ITGAL: variants seen among roughly 807,000 people sequenced by gnomAD.
The protein encoded by ITGAL is integrin alpha-L.
In ITGAL, 68 loss-of-function variants were observed where a neutral mutation model predicts 138.4. That is an observed-to-expected ratio of 0.49 (90% CI 0.40 to 0.60). The LOEUF (loss-of-function observed/expected upper bound fraction) is 0.60. Among genes scored for constraint, ITGAL ranks in the 20% least tolerant of loss-of-function variants. The pLI, the probability that ITGAL is intolerant of heterozygous loss-of-function variation, is 0.00. For missense variants in ITGAL, 1,256 were observed against 1,478.6 expected, an observed-to-expected ratio of 0.85 and a Z score of 2.47; for synonymous variants, 561 against 584.3, an observed-to-expected ratio of 0.96 and a Z score of 0.57.
At chr16:30,490,644 A>G (rs2050712219) in intron 11 of ITGAL, among the ~76,000 whole-genome samples, 1 of 152,118 alleles carries the variant, frequency 6.6e-6, no homozygotes, top group African/African-American at 2.4e-5. Context: ...CATCAGTCAC[A>G]CCTATATATT....
intron 6 of ITGAL, among the ~76,000 whole-genome samples, chr16:30,480,219 G>T (rs1263699318): frequency 6.6e-6 from 1 of 152,192 alleles, no homozygotes; most frequent in Non-Finnish European, 1.5e-5. Flanking sequence ...ACAGGCATGA[G>T]CCACTGTGCC....
rs35691718 is a variant in ITGAL, at chr16:30,515,970, T to TA, written c.2863-987dup. Among the ~76,000 whole-genome samples, 562 of 134,162 alleles carry TA rather than the reference T, an allele frequency of 4.2e-3. 1 individual carries two copies. The highest frequency in any genetic ancestry group is 7.5e-3 in the Admixed American group (100 of 13,360). 88.0% of individuals were successfully genotyped at this position (134,162 alleles called of 152,430 possible). On this transcript the variant is annotated intron_variant, in intron 25 of 30. Transcript: ENST00000356798. Reference sequence around the variant, plus strand: ...CTGGGTGACAGAGTGATATTCTGTCTAAAAAAAAAAAAAAAATCCTGTCCA... The same window carrying TA: ...CTGGGTGACAGAGTGATATTCTGTCTAAAAAAAAAAAAAAAAATCCTGTCCA...
intron 11 of ITGAL, among the ~76,000 whole-genome samples, chr16:30,492,163 A>G (rs2050731974): frequency 6.6e-6 from 1 of 152,114 alleles, no homozygotes; most frequent in Non-Finnish European, 1.5e-5. Flanking sequence ...CGAACATTCA[A>G]TAGAGGTTGT....
intron 15 of ITGAL, among the ~76,000 whole-genome samples, chr16:30,497,637 C>T (rs2050822000): frequency 6.6e-6 from 1 of 151,784 alleles, no homozygotes. Context: ...CCACCATGCC[C>T]TGCTAATTTT....
chr16:30,518,144 G>A (rs1346991571), intron 28 of ITGAL, among the ~76,000 whole-genome samples: 2 of 152,038 alleles, frequency 1.3e-5, no homozygotes, highest in African/African-American at 4.8e-5. Context: ...AATGGGGAGC[G>A]ACATATTAGG....
At chr16:30,515,068 G>A (rs1303795609) in intron 25 of ITGAL, among the ~76,000 whole-genome samples, 1 of 151,560 alleles carries the variant, frequency 6.6e-6, no homozygotes, top group Non-Finnish European at 1.5e-5. Flanking sequence ...CAGGTGATCC[G>A]CCCACCTCGG....
intron 25 of ITGAL, among the ~76,000 whole-genome samples, chr16:30,514,825 C>CTTTT (rs35701226): frequency 7.4e-6 from 1 of 134,260 alleles, no homozygotes; most frequent in Non-Finnish European, 1.6e-5. Flanking sequence ...TTTTTCTTTT[C>CTTTT]TTTTTTTTTT....
At chr16:30,495,341 G>A (rs1597083403) in intron 13 of ITGAL, among the ~76,000 whole-genome samples, 2 of 151,964 alleles carry the variant, frequency 1.3e-5, no homozygotes, top group African/African-American at 4.8e-5. Context: ...TGTATTCTTA[G>A]TAGAGACCAT....
At chr16:30,493,358 C>T (rs2050752899) in intron 11 of ITGAL, among the ~76,000 whole-genome samples, 1 of 151,760 alleles carries the variant, frequency 6.6e-6, no homozygotes. Flanking sequence ...CAGCTCGCTT[C>T]AAGCTCCCCC....
intron 11 of ITGAL, among the ~76,000 whole-genome samples, chr16:30,493,418 A>AGGCG (rs2050753827): frequency 6.6e-6 from 1 of 151,816 alleles, no homozygotes. Context: ...CTGGGACTAC[A>AGGCG]GGCGCCTACC....
chr16:30,497,701 A>G (rs1294518769), intron 15 of ITGAL, among the ~76,000 whole-genome samples: 1 of 148,380 alleles, frequency 6.7e-6, no homozygotes, highest in Non-Finnish European at 1.5e-5. Context: ...CTGGTTTTGA[A>G]CTCCTGACCT....
chr16:30,520,215 C>T (rs990371207), intron 30 of ITGAL, among the ~76,000 whole-genome samples: 18 of 152,140 alleles, frequency 1.2e-4, no homozygotes, highest in African/African-American at 3.9e-4. Flanking sequence ...AGGTGGATCA[C>T]GTGAGCCTGG....
chr16:30,473,372 G>T (rs913489633), intron 1 of ITGAL, among the ~76,000 whole-genome samples: 7 of 152,232 alleles, frequency 4.6e-5, no homozygotes, highest in Non-Finnish European at 8.8e-5. Context: ...GGCAGAGGTT[G>T]CAGTGAGCCA....
chr16:30,517,649 G>A lies in ITGAL; in HGVS notation c.2977G>A (p.Glu993Lys), dbSNP rs370573291. 1.9e-6 allele frequency: 3 copies of A among 1,613,720 alleles called. No individual in the cohort carries two copies. Among genetic ancestry groups the A allele is most frequent in the African/African-American group, 1.3e-5 (1 of 74,896 alleles). Residue 993 changes from glutamate to lysine, a missense_variant and splice_region_variant, in exon 27 of 31, where the codon GAG becomes AAG. Glu to Lys is a moderately conservative substitution (Grantham distance 56). Around this residue, in one of 3 missense-constraint regions of ITGAL, gnomAD observed 867 missense variants for 972.5 expected, o/e 0.89. Coordinates refer to ENST00000356798, the MANE Select transcript of ITGAL (RefSeq NM_002209.3). ...PITHQWSVQM[E>K]PPVPCHYEDL... ...CTGAAGACCTGCCGCTTGTTCCTAG[G>A]AGCCTCCCGTGCCCTGCCACTATGA...
intron 15 of ITGAL, among the ~76,000 whole-genome samples, chr16:30,498,514 A>G (rs1228404836): frequency 6.6e-6 from 1 of 152,200 alleles, no homozygotes; most frequent in Non-Finnish European, 1.5e-5. Flanking sequence ...CATGAAAGTA[A>G]CTCAGTATGA....
In ITGAL at chr16:30,484,150, C is replaced by G; in HGVS notation, c.893C>G (p.Thr298Ser). 1 of 1,614,140 alleles carries G rather than the reference C, an allele frequency of 6.2e-7. No homozygotes were observed. The highest frequency in any genetic ancestry group is 8.5e-7 in the Non-Finnish European group (1 of 1,180,018). The change falls in exon 9 of 31, where the codon ACC becomes AGC. Residue 298 changes from threonine (T) to serine (S), a missense_variant. This residue lies in a region of ITGAL where 177 missense variants were observed against 288.8 expected (regional missense o/e 0.61). Transcript: ENST00000356798. The part of the protein sequence containing the change: ...KHFQTKESQE[T>S]LHKFASKPAS... Reference sequence around the variant, plus strand: ...TTTCAGACCAAGGAGAGTCAGGAGACCCTCCACAAATTTGCATCAAAACCC... The same window carrying G: ...TTTCAGACCAAGGAGAGTCAGGAGAGCCTCCACAAATTTGCATCAAAACCC...
chr16:30,502,295 G>A (rs1334093709), intron 17 of ITGAL, among the ~76,000 whole-genome samples: 2 of 151,062 alleles, frequency 1.3e-5, no homozygotes, highest in Non-Finnish European at 2.9e-5. Flanking sequence ...TACTTGGGAG[G>A]CTGAGGCAGG....
chr16:30,505,036 A>AT, intron 18 of ITGAL: 6 of 381,448 alleles, frequency 1.6e-5, no homozygotes, highest in African/African-American at 2.1e-5. Context: ...AAAAAAAAAA[A>AT]GAGCTGCCAG....
intron 26 of ITGAL, 107 bp downstream of exon 26, chr16:30,517,193 C>A: frequency 1.4e-6 from 1 of 733,406 alleles, no homozygotes; most frequent in Non-Finnish European, 2.3e-6. Flanking sequence ...GCTCTGCCTC[C>A]CAAATCCCAG....
Sources: allele counts gnomAD v4.1 joint callset (sites outside exome capture counted in the v4.1 genomes callset), GRCh38; gene constraint gnomAD v4.1.1; regional missense constraint gnomAD v4.1.1; transcripts MANE v1.5; gene names NCBI Gene and HGNC (gene_info 2026-07-23, HGNC 2026-07-21).